The following IKBKE variants were observed in gnomAD, a reference collection of about 807,000 sequenced individuals.
The protein encoded by IKBKE is inhibitor of nuclear factor kappa B kinase subunit epsilon.
Under a neutral mutation model 92.1 loss-of-function variants are expected in IKBKE, and 45 were observed. That is an observed-to-expected ratio of 0.49 (90% CI 0.38 to 0.63). The LOEUF is 0.63. Ranked by LOEUF, IKBKE falls within the 20% of genes least tolerant of loss-of-function variation. The pLI, the probability that IKBKE is intolerant of heterozygous loss-of-function variation, is 0.00. For synonymous variants in IKBKE, 374 were observed against 380.3 expected (o/e 0.98, Z 0.19); for missense variants, 700 against 932.8 (o/e 0.75, Z 3.25).
At chr1:206,494,792 C>G (rs1666143455) in intron 21 of IKBKE, among the ~76,000 whole-genome samples, 1 of 151,126 alleles carries the variant, frequency 6.6e-6, no homozygotes, top group South Asian at 2.1e-4. Flanking sequence ...TTAGTAGAGA[C>G]AGGGTTTCAC....
chr1:206,481,412 G>A lies in IKBKE; in HGVS notation c.1427+879G>A, dbSNP rs537427963. Among the ~76,000 whole-genome samples, 50 of 152,340 alleles carry A rather than the reference G, an allele frequency of 3.3e-4. No homozygotes were observed. The South Asian group carries it at 5.6e-3, about 17-fold the overall frequency. ...TGCAGCCCCGCGTGCCTCCTGCTTC[G>A]CAGCAGCAACTCAGTTGATGGGGCA... On this transcript the variant is annotated intron_variant, in intron 13 of 21. Transcript: ENST00000581977.
intron 16 of IKBKE, among the ~76,000 whole-genome samples, chr1:206,489,952 C>G (rs1310512495): frequency 6.6e-6 from 1 of 152,150 alleles, no homozygotes; most frequent in Non-Finnish European, 1.5e-5. Context: ...TTTTAAAATG[C>G]CCGGTGGTCT....
At chr1:206,496,027 G>T in intron 21 of IKBKE, 85 bp from the exon 22 acceptor site, 1 of 1,055,892 alleles carries the variant, frequency 9.5e-7, no homozygotes, top group Admixed American at 1.9e-5. Flanking sequence ...CAGTGTTCTT[G>T]AAAGCTAATT....
rs782165427 is a variant in IKBKE, at chr1:206,476,274, G to T, written c.452G>T (p.Ser151Ile). 18 of 1,614,008 alleles carry T rather than the reference G, an allele frequency of 1.1e-5. No homozygotes were observed. Among genetic ancestry groups the T allele is most frequent in the African/African-American group, 5.3e-5 (4 of 74,918 alleles). The change falls in exon 6 of 22, where the codon AGC becomes ATC. Residue 151 changes from serine to isoleucine, a missense_variant. Coordinates refer to ENST00000581977, the MANE Select transcript of IKBKE (RefSeq NM_014002.4). The surrounding 1 kb of genome is among the most constrained non-coding windows in gnomAD (Gnocchi z 5.1). ...IMRLVGEEGQ[S>I]IYKLTDFGAA... ...CGCCTCGTAGGGGAGGAGGGGCAGA[G>T]CATCTACAAGCTGACAGACTTCGGC...
intron 13 of IKBKE, among the ~76,000 whole-genome samples, chr1:206,480,782 A>G (rs1479051073): frequency 6.6e-6 from 1 of 152,170 alleles, no homozygotes; most frequent in Non-Finnish European, 1.5e-5. Flanking sequence ...CTCTCCAGGT[A>G]CCAAGGTGGC....
chr1:206,494,167 GT>G (rs1263146236), intron 21 of IKBKE, among the ~76,000 whole-genome samples, 176 bp downstream of exon 21: 1 of 152,252 alleles, frequency 6.6e-6, no homozygotes, highest in Non-Finnish European at 1.5e-5. Context: ...CTCAGGAGGT[GT>G]AGGGTTCACT....
chr1:206,486,138 G>A (rs1229519113), intron 15 of IKBKE, among the ~76,000 whole-genome samples: 8 of 152,234 alleles, frequency 5.3e-5, no homozygotes, highest in African/African-American at 1.4e-4. Flanking sequence ...TCCCACTTAC[G>A]GTGAATGTTC....
Position 206,496,221 on chromosome 1 carries a change from C to A in IKBKE, c.*76C>A. The stretch of plus-strand genomic sequence containing the variant: ...TGCTCTTCTGCACCATGAGACCAAC[C>A]CAGGGCAAGATCCCATCCCATCACA... On this transcript the variant is annotated 3_prime_UTR_variant, in exon 22 of 22. Transcript: ENST00000581977. 1.6e-6 allele frequency: 2 copies of A among 1,242,056 alleles called. No homozygotes were observed. Among genetic ancestry groups the A allele is most frequent in the Non-Finnish European group, 2.4e-6 (2 of 840,394 alleles). The allele number at this position is 1,242,056 out of a possible 1,614,324, so 76.9% of individuals were successfully genotyped here. A position where few individuals can be genotyped will look rare whatever the true frequency, so the allele number is the denominator to read the frequency against.
Position 206,479,013 on chromosome 1 carries a change from G to T in IKBKE, c.1063G>T (p.Glu355Ter). 1 of 1,614,070 alleles carries T rather than the reference G, an allele frequency of 6.2e-7. No homozygotes were observed. The highest frequency in any genetic ancestry group is 8.5e-7 in the Non-Finnish European group (1 of 1,180,022). ...VAPRHQEYLF[E>*]GHLCVLEPSV... The stretch of plus-strand genomic sequence containing the variant: ...CCCCCGACACCAGGAGTACCTCTTT[G>T]AGGGTCACCTCTGTGTCCTCGAGCC... Residue 355 changes from glutamate (E) to a stop codon, truncating the protein, a stop_gained, in exon 10 of 22, where the codon GAG becomes TAG. Transcript: ENST00000581977. LOFTEE classifies it high-confidence loss of function.
chr1:206,495,393 G>A (rs550228688), intron 21 of IKBKE, among the ~76,000 whole-genome samples: 25 of 152,302 alleles, frequency 1.6e-4, no homozygotes, highest in Middle Eastern at 3.4e-3. Context: ...TTGCGCATAG[G>A]GGGGTGTGGA....
chr1:206,474,306 C>A (rs782806499), intron 3 of IKBKE, 25 bp from the exon 4 acceptor site: 3 of 1,602,458 alleles, frequency 1.9e-6, no homozygotes, highest in African/African-American at 2.7e-5. Context: ...CATGCTGTCT[C>A]CCACTGCTCC....
chr1:206,494,871 T>C (rs540016327), intron 21 of IKBKE, among the ~76,000 whole-genome samples: 1 of 151,704 alleles, frequency 6.6e-6, no homozygotes, highest in South Asian at 2.1e-4. Context: ...CCCAAAGTGC[T>C]GGGATTACAG....
In IKBKE at chr1:206,483,534, A is replaced by G. The variant is rs1572253177; in HGVS notation, c.1428-1463A>G. Reference sequence around the variant, plus strand: ...TCAAGGAGCCTGCAGTTCATTCCTGATTCTCTCTTTGCTCAGCTCCCCTCT... The same window carrying G: ...TCAAGGAGCCTGCAGTTCATTCCTGGTTCTCTCTTTGCTCAGCTCCCCTCT... On this transcript the variant is annotated intron_variant, in intron 13 of 21. Coordinates refer to ENST00000581977, the MANE Select transcript of IKBKE (RefSeq NM_014002.4). Among the ~76,000 whole-genome samples, 3 of 152,226 alleles carry G rather than the reference A, an allele frequency of 2.0e-5. 1 individual carries two copies. In the Middle Eastern group the frequency reaches 0.01, roughly 518 times the overall value.
chr1:206,475,191 C>T, intron 5 of IKBKE, 197 bp downstream of exon 5: 1 of 575,586 alleles, frequency 1.7e-6, no homozygotes, highest in Non-Finnish European at 2.9e-6. Context: ...AACATCCTAA[C>T]TGTGAAAACA....
Position 206,496,472 on chromosome 1 carries a change from A to G in IKBKE, c.*327A>G, listed in dbSNP as rs1666245517. On this transcript the variant is annotated 3_prime_UTR_variant, in exon 22 of 22. Coordinates refer to ENST00000581977, the MANE Select transcript of IKBKE (RefSeq NM_014002.4). ...TGGGCCGTGGGGAGAAGAAGCTCTC[A>G]TACGCCTTCCCACTCCCTCTGGTTT... The G allele has an allele frequency of 7.8e-6, 3 of 382,568 alleles. No homozygotes were observed. The highest frequency in any genetic ancestry group is 8.4e-5 in the South Asian group (2 of 23,858). The allele number at this position is 382,568 out of a possible 1,614,324, so 23.7% of individuals were successfully genotyped here. A position where few individuals can be genotyped will look rare whatever the true frequency, so the allele number is the denominator to read the frequency against.
At chr1:206,471,507 C>A (rs1199840883) in intron 2 of IKBKE, among the ~76,000 whole-genome samples, 1 of 152,206 alleles carries the variant, frequency 6.6e-6, no homozygotes, top group Non-Finnish European at 1.5e-5. Flanking sequence ...CTGCGCTTTG[C>A]ACCTCACTGC....
At chr1:206,480,410 G>A (rs554666303) in intron 12 of IKBKE, 37 bp from the exon 13 acceptor site, 15 of 1,547,800 alleles carry the variant, frequency 9.7e-6, no homozygotes, top group South Asian at 7.8e-5. Context: ...TGAGTCCCCC[G>A]ATCAAGGCAG....
chr1:206,489,503 G>T (rs2103480142), intron 16 of IKBKE, among the ~76,000 whole-genome samples: 1 of 151,234 alleles, frequency 6.6e-6, no homozygotes, highest in Admixed American at 6.6e-5. Flanking sequence ...AGGAGTTCAA[G>T]ACCAGCCTGG....
intron 4 of IKBKE, 59 bp downstream of exon 4, chr1:206,474,530 A>C: frequency 1.3e-6 from 2 of 1,491,678 alleles, no homozygotes; most frequent in African/African-American, 1.4e-5. Flanking sequence ...GTCTGGGGAG[A>C]ATCAGGCCAC....
Sources: gnomAD v4.1 joint callset for allele counts (sites outside exome capture counted in the v4.1 genomes callset) on GRCh38, gnomAD v4.1.1 for gene constraint, Gnocchi (gnomAD v3.1) non-coding constraint, MANE v1.5 for transcripts, NCBI Gene and HGNC (gene_info 2026-07-23, HGNC 2026-07-21) for gene names.